CACNB2: variants seen among roughly 807,000 people sequenced by gnomAD.
The protein encoded by CACNB2 is calcium voltage-gated channel auxiliary subunit beta 2.
A neutral mutation model predicts 73.3 loss-of-function variants in CACNB2; 42 were observed. The observed-to-expected ratio is 0.57, with a 90% CI of 0.45 to 0.74. CACNB2 has a LOEUF of 0.74. Among genes scored for constraint, CACNB2 ranks in the 30% least tolerant of loss-of-function variants. The pLI, the probability that CACNB2 is intolerant of heterozygous loss-of-function variation, is 0.00. For missense variants in CACNB2, 940 were observed against 853.0 expected, an observed-to-expected ratio of 1.10 and a Z score of -1.27; for synonymous variants, 348 against 310.3, an observed-to-expected ratio of 1.12 and a Z score of -1.28.
At chr10:18,207,911 C>CA (rs1389213172) in intron 2 of CACNB2, among the ~76,000 whole-genome samples, 1 of 151,986 alleles carries the variant, frequency 6.6e-6, no homozygotes, top group Non-Finnish European at 1.5e-5. Context: ...ATTGTACCAG[C>CA]AAAAAGGAGA....
intron 3 of CACNB2, among the ~76,000 whole-genome samples, chr10:18,470,599 C>A (rs1231356318): frequency 6.6e-6 from 1 of 151,876 alleles, no homozygotes; most frequent in Non-Finnish European, 1.5e-5. Flanking sequence ...AAACCTGCTT[C>A]AGTTGCATTG....
intron 2 of CACNB2, among the ~76,000 whole-genome samples, chr10:18,320,747 C>A (rs182668367): frequency 6.6e-6 from 1 of 152,112 alleles, no homozygotes; most frequent in African/African-American, 2.4e-5. Context: ...GTTAGAACTG[C>A]GTAACTATTG....
chr10:18,365,346 C>T lies in CACNB2; in HGVS notation c.214-36578C>T, dbSNP rs77757894. Among the ~76,000 whole-genome samples the T allele has an allele frequency of 4.9e-3, 743 of 152,290 alleles. 15 individuals carry two copies. In the East Asian group the frequency reaches 0.063, roughly 13 times the overall value. The stretch of plus-strand genomic sequence containing the variant: ...GGACAATATAGAGATTCTTTAAGGC[C>T]TCTTTTTAATTTTCAACCTTTCTTC... On this transcript the variant is annotated intron_variant, in intron 2 of 13. Transcript: ENST00000324631.
intron 3 of CACNB2, among the ~76,000 whole-genome samples, chr10:18,435,697 G>T (rs1423590171): frequency 6.6e-6 from 1 of 151,646 alleles, no homozygotes. Flanking sequence ...ATGGGGTTTC[G>T]CCATGTTGCC....
chr10:18,211,843 A>G (rs1482503791), intron 2 of CACNB2, among the ~76,000 whole-genome samples: 1 of 137,246 alleles, frequency 7.3e-6, no homozygotes, highest in Non-Finnish European at 1.5e-5. Flanking sequence ...TTCTGCTGAC[A>G]GATATTTATT....
At chr10:18,321,410 T>A (rs532574153) in intron 2 of CACNB2, among the ~76,000 whole-genome samples, 1 of 152,174 alleles carries the variant, frequency 6.6e-6, no homozygotes, top group Non-Finnish European at 1.5e-5. Flanking sequence ...TATGACAAAT[T>A]AGTGATTGAC....
At chr10:18,179,523 G>A (rs1468444386) in intron 2 of CACNB2, among the ~76,000 whole-genome samples, 1 of 152,092 alleles carries the variant, frequency 6.6e-6, no homozygotes, top group Non-Finnish European at 1.5e-5. Flanking sequence ...GATTCTGAAA[G>A]TGCTATAGTA....
chr10:18,290,619 T>C (rs1352034857), intron 2 of CACNB2, among the ~76,000 whole-genome samples: 1 of 152,230 alleles, frequency 6.6e-6, no homozygotes, highest in Non-Finnish European at 1.5e-5. Context: ...AATAGATGGT[T>C]CCTTCCACCT....
intron 2 of CACNB2, among the ~76,000 whole-genome samples, chr10:18,180,433 T>A (rs962418680): frequency 2.0e-5 from 3 of 151,600 alleles, no homozygotes; most frequent in Admixed American, 6.6e-5. Context: ...TGGGAGAATG[T>A]GGACTGGGTA....
rs950701855 is a variant in CACNB2, at chr10:18,180,235, A to C, written c.213+29260A>C. On this transcript the variant is annotated intron_variant, in intron 2 of 13. Coordinates refer to ENST00000324631, the MANE Select transcript of CACNB2 (RefSeq NM_201596.3). ...GTAGCAGGCTGGAGGGGAATGACAT[A>C]CCGCACATCACTCTGGCTTCTCTGC... Among the ~76,000 whole-genome samples, 4 of 152,034 alleles carry C rather than the reference A, an allele frequency of 2.6e-5. No individual in the cohort carries two copies. The South Asian group carries it at 8.3e-4, about 32-fold the overall frequency.
chr10:18,414,772 C>CTT lies in CACNB2; in HGVS notation c.333+12739_333+12740dup, dbSNP rs551133994. The stretch of plus-strand genomic sequence containing the variant: ...GGATTATTATAAATTGCAGTTCAAG[C>CTT]TTTTTTTTTTTATCTTAGAGCACTA... On this transcript the variant is annotated intron_variant, in intron 3 of 13. Coordinates refer to ENST00000324631, the MANE Select transcript of CACNB2 (RefSeq NM_201596.3). 8.1e-4 allele frequency among the ~76,000 whole-genome samples: 120 copies of CTT among 147,904 alleles called. 2 individuals carry two copies. Among genetic ancestry groups the CTT allele is most frequent in the African/African-American group, 2.1e-3 (85 of 40,322 alleles).
intron 2 of CACNB2, among the ~76,000 whole-genome samples, chr10:18,201,253 G>A (rs1217991769): frequency 6.6e-6 from 1 of 150,766 alleles, no homozygotes; most frequent in Non-Finnish European, 1.5e-5. Context: ...TCACATACCT[G>A]CCTTATAATA....
At chr10:18,454,250 G>T (rs1449279433) in intron 3 of CACNB2, among the ~76,000 whole-genome samples, 2 of 152,212 alleles carry the variant, frequency 1.3e-5, no homozygotes, top group African/African-American at 2.4e-5. Context: ...AACAGAAAAT[G>T]ATATCTACAG....
intron 6 of CACNB2, among the ~76,000 whole-genome samples, chr10:18,506,817 T>G (rs1434009494): frequency 6.6e-6 from 1 of 152,206 alleles, no homozygotes; most frequent in Non-Finnish European, 1.5e-5. Flanking sequence ...TTTATTTTTT[T>G]GAGACAGAGT....
intron 2 of CACNB2, among the ~76,000 whole-genome samples, chr10:18,222,726 C>G (rs1272092771): frequency 6.6e-6 from 1 of 152,146 alleles, no homozygotes; most frequent in African/African-American, 2.4e-5. Context: ...CGTCTGAGTT[C>G]AGGAGTTCAA....
At chr10:18,500,157 T>A (rs981087344) in intron 4 of CACNB2, among the ~76,000 whole-genome samples, 7 of 152,162 alleles carry the variant, frequency 4.6e-5, no homozygotes, top group African/African-American at 1.7e-4. Context: ...GAAAGGGGGA[T>A]CTTTCCACCA....
intron 2 of CACNB2, among the ~76,000 whole-genome samples, chr10:18,180,887 A>AC (rs2033837821): frequency 1.3e-5 from 2 of 151,554 alleles, no homozygotes; most frequent in Non-Finnish European, 2.9e-5. Flanking sequence ...CATCGCTTGA[A>AC]CCCGGGAGAT....
At chr10:18,461,719 C>T (rs897493220) in intron 3 of CACNB2, among the ~76,000 whole-genome samples, 1 of 151,954 alleles carries the variant, frequency 6.6e-6, no homozygotes, top group Admixed American at 6.6e-5. Flanking sequence ...CTGCTCACCG[C>T]CCCCAGCTGT....
rs1449143131 is a variant in CACNB2, at chr10:18,264,005, A to G, written c.213+113030A>G. On this transcript the variant is annotated intron_variant, in intron 2 of 13. Coordinates refer to ENST00000324631, the MANE Select transcript of CACNB2 (RefSeq NM_201596.3). ...CTGTGTTTACCTAAACTGTCTTGCT[A>G]TTTCGTTAAGGACATGAAAATCTGT... is the stretch of plus-strand genomic sequence containing the variant. Among the ~76,000 whole-genome samples, 3 of 152,286 alleles carry G rather than the reference A, an allele frequency of 2.0e-5. No individual in the cohort carries two copies. The East Asian group carries it at 5.8e-4, about 29-fold the overall frequency.
Sources: gnomAD v4.1 joint callset for allele counts (sites outside exome capture counted in the v4.1 genomes callset) on GRCh38, gnomAD v4.1.1 for gene constraint, MANE v1.5 for transcripts, NCBI Gene and HGNC (gene_info 2026-07-23, HGNC 2026-07-21) for gene names.